Variants in NALF1 observed in about 807,000 individuals in gnomAD.
NALF1 encodes NALCN channel auxiliary factor 1, also known as family with sequence similarity 155 member A.
A neutral mutation model predicts 48.4 loss-of-function variants in NALF1; 3 were observed. The observed-to-expected ratio is 0.06, with a 90% CI of 0.03 to 0.16. NALF1 has a LOEUF of 0.16. Among genes scored for constraint, NALF1 ranks in the 10% least tolerant of loss-of-function variants. The pLI is 1.00. For synonymous variants in NALF1, 262 were observed against 245.7 expected (o/e 1.07, Z -0.62); for missense variants, 526 against 571.5 (o/e 0.92, Z 0.81).
At chr13:107,532,781 T>C (rs539872061) in intron 1 of NALF1, among the ~76,000 whole-genome samples, 3 of 151,840 alleles carry the variant, frequency 2.0e-5, no homozygotes, top group African/African-American at 7.2e-5. Flanking sequence ...TCAGAAAATA[T>C]AAATCCCTGA....
chr13:107,437,251 C>A (rs933671111), intron 1 of NALF1, among the ~76,000 whole-genome samples: 2 of 152,108 alleles, frequency 1.3e-5, no homozygotes, highest in African/African-American at 4.8e-5. Context: ...CCAAAACCTG[C>A]CCCACATGCA....
At chr13:107,489,136 T>C (rs1041392840) in intron 1 of NALF1, among the ~76,000 whole-genome samples, 1 of 151,608 alleles carries the variant, frequency 6.6e-6, no homozygotes, top group Non-Finnish European at 1.5e-5. Context: ...GATGACACAA[T>C]CAAATGGGAA....
intron 1 of NALF1, among the ~76,000 whole-genome samples, chr13:107,455,375 T>C (rs368166300): frequency 2.6e-5 from 4 of 151,310 alleles, no homozygotes; most frequent in Non-Finnish European, 5.9e-5. Flanking sequence ...TAAAAAAAAA[T>C]AGTTTCAGAG....
chr13:107,700,891 G>A (rs1364004680), intron 1 of NALF1, among the ~76,000 whole-genome samples: 3 of 152,046 alleles, frequency 2.0e-5, no homozygotes, highest in Non-Finnish European at 2.9e-5. Flanking sequence ...ATGAAAAGGT[G>A]CTCAACATCA....
At chr13:107,571,604 G>C (rs780897772) in intron 1 of NALF1, among the ~76,000 whole-genome samples, 3 of 152,154 alleles carry the variant, frequency 2.0e-5, no homozygotes, top group Non-Finnish European at 4.4e-5. Context: ...GTTTCCTTGA[G>C]TTCTTTGGGC....
chr13:107,756,320 C>T (rs1360697658), intron 1 of NALF1, among the ~76,000 whole-genome samples: 1 of 151,964 alleles, frequency 6.6e-6, no homozygotes, highest in African/African-American at 2.4e-5. Context: ...TTTTAACAAG[C>T]TCCCCTGGTG....
At chr13:107,740,266 T>C (rs1876593745) in intron 1 of NALF1, among the ~76,000 whole-genome samples, 2 of 152,160 alleles carry the variant, frequency 1.3e-5, no homozygotes, top group South Asian at 2.1e-4. Context: ...AACTAGGCAT[T>C]TTCCAATTGG....
chr13:107,289,249 C>A (rs1881566831), intron 1 of NALF1, among the ~76,000 whole-genome samples: 1 of 152,192 alleles, frequency 6.6e-6, no homozygotes, highest in African/African-American at 2.4e-5. Flanking sequence ...TCTTCCCTTT[C>A]CTCATACTTA....
intron 1 of NALF1, among the ~76,000 whole-genome samples, chr13:107,243,123 C>A (rs1299214251): frequency 3.3e-5 from 5 of 152,116 alleles, no homozygotes; most frequent in Non-Finnish European, 7.4e-5. Context: ...ACCCAAATGT[C>A]TCCCCTGTCA....
chr13:107,338,311 G>A (rs1451769144), intron 1 of NALF1, among the ~76,000 whole-genome samples: 5 of 152,282 alleles, frequency 3.3e-5, no homozygotes, highest in Admixed American at 1.3e-4. Context: ...TGGTGCCTGG[G>A]TAGGGAGCTG....
intron 2 of NALF1, among the ~76,000 whole-genome samples, chr13:107,185,365 T>C (rs2138778967): frequency 6.6e-6 from 1 of 152,000 alleles, no homozygotes; most frequent in Non-Finnish European, 1.5e-5. Flanking sequence ...TCCAGAACAG[T>C]GCGTGTTATT....
intron 1 of NALF1, among the ~76,000 whole-genome samples, chr13:107,793,799 C>A (rs759281019): frequency 6.6e-6 from 1 of 152,048 alleles, no homozygotes; most frequent in African/African-American, 2.4e-5. Context: ...CCCACTTCAA[C>A]TTAACTACTT....
At chr13:107,643,960 T>A (rs1880234487) in intron 1 of NALF1, among the ~76,000 whole-genome samples, 1 of 126,818 alleles carries the variant, frequency 7.9e-6, no homozygotes, top group Admixed American at 8.7e-5. Flanking sequence ...GAGTTTCAGA[T>A]GATTTTTTTT....
intron 1 of NALF1, among the ~76,000 whole-genome samples, chr13:107,783,420 A>AGCGGGGAAAG (rs1555325595): frequency 2.0e-5 from 3 of 152,166 alleles, no homozygotes; most frequent in African/African-American, 7.2e-5. Flanking sequence ...TGGAATAGAA[A>AGCGGGGAAAG]GCGGGGAAAG....
chr13:107,631,635 T>C (rs1879837618), intron 1 of NALF1, among the ~76,000 whole-genome samples: 1 of 152,072 alleles, frequency 6.6e-6, no homozygotes, highest in African/African-American at 2.4e-5. Context: ...CAGGACTCGC[T>C]CCTGAAAATC....
chr13:107,339,779 A>G (rs1882634158), intron 1 of NALF1, among the ~76,000 whole-genome samples: 1 of 152,196 alleles, frequency 6.6e-6, no homozygotes, highest in Non-Finnish European at 1.5e-5. Context: ...AAAATAAGCC[A>G]TTTACTTTCT....
At chr13:107,830,209 C>G (rs151022924) in intron 1 of NALF1, among the ~76,000 whole-genome samples, 2,591 of 152,322 alleles carry the variant, frequency 0.017, 82 homozygotes, top group African/African-American at 0.059. Context: ...GGGGACTTCA[C>G]AATGTGCAGA....
At chr13:107,590,969 A>C (rs1014264817) in intron 1 of NALF1, among the ~76,000 whole-genome samples, 1 of 152,034 alleles carries the variant, frequency 6.6e-6, no homozygotes, top group African/African-American at 2.4e-5. Context: ...GATTGTTTGT[A>C]AGCATTCTAT....
chr13:107,205,164 CA>C (rs1879611057), intron 2 of NALF1, among the ~76,000 whole-genome samples: 2 of 151,936 alleles, frequency 1.3e-5, no homozygotes, highest in African/African-American at 2.4e-5. Context: ...CCTTTCCCCC[CA>C]CCCCACAACA....
Sources: allele counts gnomAD v4.1 joint callset (sites outside exome capture counted in the v4.1 genomes callset), GRCh38; gene constraint gnomAD v4.1.1; transcripts MANE v1.5; gene names NCBI Gene and HGNC (gene_info 2026-07-23, HGNC 2026-07-21).